CAPZA2: variants seen among roughly 807,000 people sequenced by gnomAD.
CAPZA2 encodes capping actin protein of muscle Z-line subunit alpha 2.
CAPZA2 carries 13 observed loss-of-function variants against 44.0 expected under a neutral mutation model. The observed-to-expected ratio is 0.30, with a 90% confidence interval of 0.19 to 0.47. CAPZA2 has a LOEUF of 0.47. Ranked by LOEUF, CAPZA2 falls within the 20% of genes least tolerant of loss-of-function variation. CAPZA2 has a pLI of 1.00. For missense variants in CAPZA2, 244 were observed against 338.6 expected, an observed-to-expected ratio of 0.72 and a Z score of 2.19; for synonymous variants, 94 against 108.2, an observed-to-expected ratio of 0.87 and a Z score of 0.81.
intron 4 of CAPZA2, 65 bp downstream of exon 4, chr7:116,898,900 G>T: frequency 2.2e-6 from 2 of 928,932 alleles, no homozygotes; most frequent in Non-Finnish European, 1.7e-6. Flanking sequence ...TGCAAGAGCT[G>T]TGAAGTGGTA....
chr7:116,864,886 TAA>T (rs1323810272), intron 1 of CAPZA2, among the ~76,000 whole-genome samples: 1 of 152,122 alleles, frequency 6.6e-6, no homozygotes, highest in African/African-American at 2.4e-5. Flanking sequence ...AAAAAAATAT[TAA>T]GTTTTGAATA....
chr7:116,863,771 A>G (rs959169382), intron 1 of CAPZA2, among the ~76,000 whole-genome samples: 5 of 152,032 alleles, frequency 3.3e-5, no homozygotes, highest in African/African-American at 1.2e-4. Flanking sequence ...GCAGGAAAAT[A>G]CAGGTACATT....
chr7:116,898,774 C>T lies in CAPZA2; in HGVS notation c.158C>T (p.Ala53Val), dbSNP rs370498112. ...DNLLREGAAH[A>V]FAQYNLDQFT... ...AATTGCCATTTTCTTTTTTTTAGTG[C>T]ATTTGCACAGTATAACTTGGACCAG... The change falls in exon 4 of 10, where the codon GCA (alanine) becomes GTA (valine). Residue 53 changes from alanine (A) to valine (V), a missense_variant and splice_region_variant. Transcript: ENST00000361183. 6 of 1,579,612 alleles carry T rather than the reference C, an allele frequency of 3.8e-6. No homozygotes were observed. The highest frequency in any genetic ancestry group is 5.2e-6 in the Non-Finnish European group (6 of 1,159,644).
chr7:116,874,433 C>T (rs1796594397), intron 1 of CAPZA2: 1 of 152,276 alleles, frequency 6.6e-6, no homozygotes, highest in South Asian at 2.1e-4. Flanking sequence ...TTTATCTGGC[C>T]TCTTGATCAT....
intron 1 of CAPZA2, among the ~76,000 whole-genome samples, chr7:116,879,403 C>T (rs905104417): frequency 1.3e-5 from 2 of 152,150 alleles, no homozygotes; most frequent in Non-Finnish European, 2.9e-5. Context: ...AATCTATCTA[C>T]AGCAGCAGTC....
rs151215502 is a variant in CAPZA2, at chr7:116,882,699, A to G, written c.40-5428A>G. 3.3e-3 allele frequency among the ~76,000 whole-genome samples: 505 copies of G among 152,346 alleles called. 2 individuals carry two copies. The highest frequency in any genetic ancestry group is 0.012 in the African/African-American group (481 of 41,582). ...ATGTGTGCTCTTCTACAAGAAGCGCAATAGAATGGAGCATATTTTTTATGT... is the reference window on the plus strand; with the variant it reads ...ATGTGTGCTCTTCTACAAGAAGCGCGATAGAATGGAGCATATTTTTTATGT... On this transcript the variant is annotated intron_variant, in intron 1 of 9. Coordinates refer to ENST00000361183, the MANE Select transcript of CAPZA2 (RefSeq NM_006136.3).
rs772761567 is a variant in CAPZA2 at position 116,904,304 on chromosome 7, C to T, written c.347C>T (p.Ala116Val). The change falls in exon 5 of 10, where the codon GCA becomes GTA. Residue 116 changes from alanine to valine, a missense_variant. Ala to Val is a moderately conservative substitution (Grantham distance 64, BLOSUM62 0). Coordinates refer to ENST00000361183, the MANE Select transcript of CAPZA2 (RefSeq NM_006136.3). ...CCAAGACCCTGTGAAGTAGAAAATGCAGTTGAATCATGGAGAACTTCAGTA... is the reference window on the plus strand; with the variant it reads ...CCAAGACCCTGTGAAGTAGAAAATGTAGTTGAATCATGGAGAACTTCAGTA... ...TDPRPCEVEN[A>V]VESWRTSVET... is the part of the protein sequence containing the mutation. 31 of 1,612,822 alleles carry T rather than the reference C, an allele frequency of 1.9e-5. No homozygotes were observed.
At chr7:116,898,898 C>A in intron 4 of CAPZA2, 63 bp downstream of exon 4, 1 of 953,564 alleles carries the variant, frequency 1.0e-6, no homozygotes, top group Non-Finnish European at 1.6e-6. Context: ...CCTGCAAGAG[C>A]TGTGAAGTGG....
chr7:116,900,581 G>A (rs1360559876), intron 4 of CAPZA2, among the ~76,000 whole-genome samples: 1 of 151,938 alleles, frequency 6.6e-6, no homozygotes, highest in East Asian at 1.9e-4. Flanking sequence ...AAAAGTTACA[G>A]ATTAGGAATA....
At chr7:116,899,558 A>G (rs1796968773) in intron 4 of CAPZA2, among the ~76,000 whole-genome samples, 1 of 151,752 alleles carries the variant, frequency 6.6e-6, no homozygotes, top group African/African-American at 2.4e-5. Context: ...AACTGAAGGG[A>G]AATTTTAAGC....
chr7:116,912,514 G>A (rs1791611194), intron 8 of CAPZA2, among the ~76,000 whole-genome samples: 1 of 152,106 alleles, frequency 6.6e-6, no homozygotes, highest in African/African-American at 2.4e-5. Flanking sequence ...CCCAGCCCTA[G>A]GCAGTGGCTA....
intron 8 of CAPZA2, chr7:116,915,538 A>G (rs1348577699): frequency 6.6e-6 from 1 of 152,404 alleles, no homozygotes; most frequent in Non-Finnish European, 1.5e-5. Flanking sequence ...TTTATTTTTT[A>G]AATCCAGATT....
rs780149044 is a variant in CAPZA2, at chr7:116,918,039, TTTTG to T, written c.*179_*182del. On this transcript the variant is annotated 3_prime_UTR_variant, in exon 10 of 10. Coordinates refer to ENST00000361183, the MANE Select transcript of CAPZA2 (RefSeq NM_006136.3). ...TTAGCTAATCAACCATTATTTTTCA[TTTTG>T]TTTGTTCTAAGAGGATTGAAAATCA... 1.3e-4 allele frequency: 71 copies of T among 558,156 alleles called. No homozygotes were observed. Among genetic ancestry groups the T allele is most frequent in the Non-Finnish European group, 2.0e-4 (62 of 312,764 alleles). 34.6% of individuals were successfully genotyped at this position (558,156 alleles called of 1,614,324 possible).
rs1372109339 is a variant in CAPZA2 at position 116,921,716 on chromosome 7, T to C, written c.*3849T>C. The stretch of plus-strand genomic sequence containing the variant: ...AAAAGGAAATGTAAGAAGTGGTGAT[T>C]GGAGAATGGTGTGCTTAATTAAAAT... On this transcript the variant is annotated 3_prime_UTR_variant, in exon 10 of 10. Coordinates refer to ENST00000361183, the MANE Select transcript of CAPZA2 (RefSeq NM_006136.3). 1 of 152,044 alleles carries C rather than the reference T, an allele frequency of 6.6e-6. No individual in the cohort carries two copies. The highest frequency in any genetic ancestry group is 1.5e-5 in the Non-Finnish European group (1 of 68,014). 9.4% of individuals were successfully genotyped at this position (152,044 alleles called of 1,614,324 possible).
chr7:116,909,571 AT>A (rs1791559492), intron 6 of CAPZA2, among the ~76,000 whole-genome samples: 1 of 151,808 alleles, frequency 6.6e-6, no homozygotes, highest in Non-Finnish European at 1.5e-5. Context: ...TAAACATAAA[AT>A]TGGAAAACTA....
At chr7:116,878,032 G>A (rs1468046249) in intron 1 of CAPZA2, among the ~76,000 whole-genome samples, 1 of 152,228 alleles carries the variant, frequency 6.6e-6, no homozygotes, top group Non-Finnish European at 1.5e-5. Flanking sequence ...GGAGAGAAGT[G>A]CGGAATGATT....
intron 1 of CAPZA2, among the ~76,000 whole-genome samples, chr7:116,883,673 T>C (rs574398719): frequency 2.0e-4 from 30 of 152,348 alleles, no homozygotes; most frequent in Admixed American, 1.1e-3. Flanking sequence ...ACTGTGTACA[T>C]TTAGTGCAAC....
At chr7:116,899,364 C>G (rs1306000181) in intron 4 of CAPZA2, among the ~76,000 whole-genome samples, 1 of 151,660 alleles carries the variant, frequency 6.6e-6, no homozygotes, top group Non-Finnish European at 1.5e-5. Flanking sequence ...TGAAGGACAG[C>G]TTATGTAAAA....
At chr7:116,896,157 C>CT (rs551885050) in intron 3 of CAPZA2, among the ~76,000 whole-genome samples, 1 of 151,974 alleles carries the variant, frequency 6.6e-6, no homozygotes, top group Non-Finnish European at 1.5e-5. Context: ...TGCCTTGTTG[C>CT]TTTATCTCCT....
Sources: gnomAD v4.1 joint callset for allele counts (sites outside exome capture counted in the v4.1 genomes callset) on GRCh38, gnomAD v4.1.1 for gene constraint, MANE v1.5 for transcripts, NCBI Gene and HGNC (gene_info 2026-07-23, HGNC 2026-07-21) for gene names.